Variants in PPM1F observed in about 807,000 individuals in gnomAD.
The protein encoded by PPM1F is protein phosphatase, Mg2+/Mn2+ dependent 1F.
In PPM1F, 17 loss-of-function variants were observed where a neutral mutation model predicts 35.5. The observed-to-expected ratio is 0.48, with a 90% CI of 0.33 to 0.72. PPM1F has a LOEUF of 0.72. Ranked by LOEUF, PPM1F falls within the 30% of genes least tolerant of loss-of-function variation. The probability of loss-of-function intolerance (pLI) is 0.02; values close to 1 mark genes in which losing one functional copy is unlikely to be tolerated. For missense variants in PPM1F, 521 were observed against 613.0 expected, an observed-to-expected ratio of 0.85 and a Z score of 1.59; for synonymous variants, 241 against 255.5, an observed-to-expected ratio of 0.94 and a Z score of 0.54.
chr22:21,943,725 GC>G (rs1237825783), intron 2 of PPM1F: 2 of 152,534 alleles, frequency 1.3e-5, no homozygotes, highest in African/African-American at 4.8e-5. Context: ...CCTGCTCTGC[GC>G]CCTTCTCCCC....
chr22:21,926,568 T>C (rs2070518283), intron 6 of PPM1F, among the ~76,000 whole-genome samples: 1 of 152,072 alleles, frequency 6.6e-6, no homozygotes, highest in African/African-American at 2.4e-5. Context: ...AGAAACCTCT[T>C]TGGTCCTATC....
Position 21,939,097 on chromosome 22 carries a change from G to A in PPM1F, c.355+435C>T, listed in dbSNP as rs377520648. On this transcript the variant is annotated intron_variant, in intron 3 of 7. Transcript: ENST00000263212. The surrounding 1 kb of genome is among the most constrained non-coding windows in gnomAD (Gnocchi z 5.1). ...GGACCACGCTGCTGCCCCGAGACCT[G>A]CTGGCATGCCACCTGGCCAACCCTG... is the stretch of plus-strand genomic sequence containing the variant. 1 of 169,680 alleles carries A rather than the reference G, an allele frequency of 5.9e-6. No homozygotes were observed. 10.5% of individuals were successfully genotyped at this position (169,680 alleles called of 1,614,324 possible). A position where few individuals can be genotyped will look rare whatever the true frequency, so the allele number is the denominator to read the frequency against.
rs1340129426 is a variant in PPM1F at position 21,933,576 on chromosome 22, G to A, written c.562C>T (p.Pro188Ser). Reference sequence around the variant, plus strand: ...ACAGCAAAGTAGGCGCGGTTCACAGGGTCCTGGTGGGGATGTGGTGGGAGT... The same window carrying A: ...ACAGCAAAGTAGGCGCGGTTCACAGAGTCCTGGTGGGGATGTGGTGGGAGT... ...SFNQLFGLSDPVNRAYFAVFD... is the reference protein window; with the variant it reads ...SFNQLFGLSDSVNRAYFAVFD... Residue 188 changes from proline (P) to serine (S), a missense_variant, in exon 5 of 8, where the codon CCT (proline) becomes TCT (serine). Around this residue, in one of 3 missense-constraint regions of PPM1F, gnomAD observed 311 missense variants for 351.5 expected, o/e 0.88. Coordinates refer to ENST00000263212, the MANE Select transcript of PPM1F (RefSeq NM_014634.4). 6.2e-7 allele frequency: 1 copy of A among 1,607,382 alleles called. No individual in the cohort carries two copies. Among genetic ancestry groups the A allele is most frequent in the South Asian group, 1.1e-5 (1 of 90,952 alleles).
chr22:21,940,337 G>C (rs2070711146), intron 2 of PPM1F, among the ~76,000 whole-genome samples: 1 of 152,152 alleles, frequency 6.6e-6, no homozygotes, highest in African/African-American at 2.4e-5. Context: ...GCCGGGTGTG[G>C]TGGCGCATGC....
At position 21,923,148 on chromosome 22, in the gene PPM1F, G is replaced by T; in HGVS notation, c.1309C>A (p.Gln437Lys). The T allele has an allele frequency of 6.2e-7, 1 of 1,613,614 alleles. No individual in the cohort carries two copies. ...EGDPQAEGRR[Q>K]DLPSSLPEPE... ...TCTGGAAGGCTGGAGGGCAAGTCCTGCCTCCTCCCTTCTGCCTGGGGGTCC... is the reference window on the plus strand; with the variant it reads ...TCTGGAAGGCTGGAGGGCAAGTCCTTCCTCCTCCCTTCTGCCTGGGGGTCC... Residue 437 changes from glutamine (Q) to lysine (K), a missense_variant, in exon 8 of 8, where the codon CAG becomes AAG. By Grantham distance (53) the Gln-to-Lys change is moderately conservative (BLOSUM62 1). Transcript: ENST00000263212.
At chr22:21,929,123 G>C (rs2070557146) in intron 6 of PPM1F, among the ~76,000 whole-genome samples, 1 of 152,156 alleles carries the variant, frequency 6.6e-6, no homozygotes, top group Non-Finnish European at 1.5e-5. Context: ...CCAGTTTCTT[G>C]CTCTTGTAAC....
chr22:21,933,189 C>T (rs372695870), intron 5 of PPM1F, among the ~76,000 whole-genome samples: 2 of 152,216 alleles, frequency 1.3e-5, no homozygotes, highest in East Asian at 3.9e-4. Flanking sequence ...CTGAGAGGCC[C>T]ACCATGCTGG....
chr22:21,933,273 G>A, intron 5 of PPM1F, 118 bp downstream of exon 5: 1 of 930,072 alleles, frequency 1.1e-6, no homozygotes, highest in Middle Eastern at 3.4e-4. Flanking sequence ...AGGACCACCG[G>A]CAGTGTTTAG....
Position 21,922,730 on chromosome 22 carries a change from C to G in PPM1F, c.*362G>C, listed in dbSNP as rs2145788772. 5.2e-6 allele frequency: 1 copy of G among 192,638 alleles called. No individual in the cohort carries two copies. Among genetic ancestry groups the G allele is most frequent in the Non-Finnish European group, 1.1e-5 (1 of 95,206 alleles). 11.9% of individuals were successfully genotyped at this position (192,638 alleles called of 1,614,324 possible). A position where few individuals can be genotyped will look rare whatever the true frequency, so the allele number is the denominator to read the frequency against. On this transcript the variant is annotated 3_prime_UTR_variant, in exon 8 of 8. Coordinates refer to ENST00000263212, the MANE Select transcript of PPM1F (RefSeq NM_014634.4). ...AAGAGTTTGGCTCCTGGGTCCGCCC[C>G]AGGGTCCCACGTGCACAACCATGCT...
At chr22:21,930,806 C>T (rs2070579604) in intron 6 of PPM1F, among the ~76,000 whole-genome samples, 1 of 152,204 alleles carries the variant, frequency 6.6e-6, no homozygotes, top group Admixed American at 6.5e-5. Context: ...GCAGCATCAC[C>T]TCCCTGAGGC....
chr22:21,931,371 G>C, intron 5 of PPM1F, 80 bp from the exon 6 acceptor site: 1 of 1,367,184 alleles, frequency 7.3e-7, no homozygotes, highest in South Asian at 1.3e-5. Context: ...TGAAGCTTCC[G>C]GGGGTGATGA....
At chr22:21,946,293 C>T (rs922409683) in intron 1 of PPM1F, 185 bp from the exon 2 acceptor site, 2 of 391,976 alleles carry the variant, frequency 5.1e-6, no homozygotes, top group Non-Finnish European at 9.1e-6. Flanking sequence ...ATCCAGAGAT[C>T]CGGTCTCAGG....
intron 6 of PPM1F, among the ~76,000 whole-genome samples, chr22:21,927,620 C>T (rs1455279706): frequency 1.3e-5 from 2 of 152,250 alleles, no homozygotes; most frequent in Non-Finnish European, 2.9e-5. Context: ...GAAGCCCCTC[C>T]CCACCACCAG....
At chr22:21,948,213 A>C (rs1443799106) in intron 1 of PPM1F, 1 of 151,492 alleles carries the variant, frequency 6.6e-6, no homozygotes, top group African/African-American at 2.4e-5. Context: ...GCTGTGGCTC[A>C]GGTCTATATC....
chr22:21,941,194 G>C (rs955922347), intron 2 of PPM1F: 1 of 152,406 alleles, frequency 6.6e-6, no homozygotes. Context: ...GGATAATGGC[G>C]TGAGCCGCCA....
chr22:21,938,044 T>C, intron 3 of PPM1F: 1 of 1,214,884 alleles, frequency 8.2e-7, no homozygotes, highest in Non-Finnish European at 1.1e-6. Flanking sequence ...GAGAGCATGA[T>C]CAAGGCCGCT....
chr22:21,927,733 G>A (rs2070532944), intron 6 of PPM1F, among the ~76,000 whole-genome samples: 1 of 152,216 alleles, frequency 6.6e-6, no homozygotes, highest in Non-Finnish European at 1.5e-5. Context: ...TGCACCCCCT[G>A]TGCTGGACAG....
At chr22:21,938,335 TGGCTC>T (rs2145801794) in intron 3 of PPM1F, 1 of 1,203,934 alleles carries the variant, frequency 8.3e-7, no homozygotes, top group East Asian at 6.2e-5. Flanking sequence ...GGAAGCCTGC[TGGCTC>T]GGCCGAGAAC....
In PPM1F at chr22:21,933,616, A is replaced by T. The variant is rs200398368; in HGVS notation, c.559-37T>A. 3 of 1,577,934 alleles carry T rather than the reference A, an allele frequency of 1.9e-6. No individual in the cohort carries two copies. The East Asian group carries it at 6.8e-5, about 36-fold the overall frequency. On this transcript the variant is annotated intron_variant, in intron 4 of 7. Transcript: ENST00000263212. ...GTGGTGGGAGTCACAGACCCGCGGGACCCAGGGTGCTCCCAGTGGGGCGTG... is the reference window on the plus strand; with the variant it reads ...GTGGTGGGAGTCACAGACCCGCGGGTCCCAGGGTGCTCCCAGTGGGGCGTG...
Sources: allele counts gnomAD v4.1 joint callset (sites outside exome capture counted in the v4.1 genomes callset), GRCh38; gene constraint gnomAD v4.1.1; regional missense constraint gnomAD v4.1.1; non-coding constraint Gnocchi (gnomAD v3.1); transcripts MANE v1.5; gene names NCBI Gene and HGNC (gene_info 2026-07-23, HGNC 2026-07-21).